TRNAU1AP: variants seen among roughly 807,000 people sequenced by gnomAD.
TRNAU1AP encodes the protein tRNA selenocysteine 1 associated protein 1.
Under a neutral mutation model 43.3 loss-of-function variants are expected in TRNAU1AP, and 33 were observed. The observed-to-expected ratio is 0.76, with a 90% confidence interval of 0.58 to 1.02. TRNAU1AP has a LOEUF of 1.02. Among genes scored for constraint, TRNAU1AP ranks in the 50% least tolerant of loss-of-function variants. The pLI, the probability that TRNAU1AP is intolerant of heterozygous loss-of-function variation, is 0.00. For synonymous variants in TRNAU1AP, 143 were observed against 129.1 expected, an observed-to-expected ratio of 1.11 and a Z score of -0.73; for missense variants, 290 against 362.7, an observed-to-expected ratio of 0.80 and a Z score of 1.63.
chr1:28,563,688 A>G (rs968747201), intron 4 of TRNAU1AP, among the ~76,000 whole-genome samples: 1 of 151,960 alleles, frequency 6.6e-6, no homozygotes, highest in African/African-American at 2.4e-5. Context: ...CGTCTCAAAA[A>G]AAAAAAAAAG....
At chr1:28,559,898 G>C (rs925632392) in intron 2 of TRNAU1AP, among the ~76,000 whole-genome samples, 1 of 152,116 alleles carries the variant, frequency 6.6e-6, no homozygotes, top group African/African-American at 2.4e-5. Context: ...TTGGGAGGCC[G>C]AAGTGGGTGG....
At chr1:28,576,061 A>C (rs1012451282) in intron 8 of TRNAU1AP, among the ~76,000 whole-genome samples, 2 of 142,898 alleles carry the variant, frequency 1.4e-5, no homozygotes, top group African/African-American at 2.6e-5. Context: ...GGGTTTCACC[A>C]TGTTGCCCAG....
intron 4 of TRNAU1AP, among the ~76,000 whole-genome samples, 158 bp downstream of exon 4, chr1:28,561,556 T>G (rs1431744003): frequency 6.6e-6 from 1 of 152,182 alleles, no homozygotes; most frequent in Non-Finnish European, 1.5e-5. Flanking sequence ...GTGTGCTTCA[T>G]GCAAGACCCT....
At chr1:28,574,707 AC>A (rs1665735570) in intron 8 of TRNAU1AP, 1 of 152,132 alleles carries the variant, frequency 6.6e-6, no homozygotes, top group African/African-American at 2.4e-5. Flanking sequence ...CCTGGCCAAA[AC>A]TTTTTTTGAG....
At position 28,577,691 on chromosome 1, in the gene TRNAU1AP, T is replaced by TTTAAAAATTGTGA; in HGVS notation, c.*56_*68dup. 6.5e-7 allele frequency: 1 copy of TTTAAAAATTGTGA among 1,539,170 alleles called. No individual in the cohort carries two copies. Among genetic ancestry groups the TTTAAAAATTGTGA allele is most frequent in the Non-Finnish European group, 8.8e-7 (1 of 1,142,132 alleles). On this transcript the variant is annotated 3_prime_UTR_variant, in exon 9 of 9. Coordinates refer to ENST00000373830, the MANE Select transcript of TRNAU1AP (RefSeq NM_017846.5). ...ATGTGAGGGAGATGAGAGACTCCTT[T>TTTAAAAATTGTGA]TTAAAAATTGTGAAACCTTTTTGGA...
chr1:28,576,859 G>T (rs1665797483), intron 8 of TRNAU1AP, among the ~76,000 whole-genome samples: 2 of 152,096 alleles, frequency 1.3e-5, no homozygotes, highest in African/African-American at 4.8e-5. Flanking sequence ...TCGACCTGCT[G>T]AAGTGCTGGG....
At chr1:28,555,496 CT>C (rs958204626) in intron 2 of TRNAU1AP, among the ~76,000 whole-genome samples, 6,527 of 140,418 alleles carry the variant, frequency 0.046, 122 homozygotes, top group Non-Finnish European at 0.074. Flanking sequence ...TACTCTTTTC[CT>C]TTTTTTTTTT....
chr1:28,575,666 C>G (rs1665761248), intron 8 of TRNAU1AP, among the ~76,000 whole-genome samples: 1 of 142,544 alleles, frequency 7.0e-6, no homozygotes, highest in Non-Finnish European at 1.5e-5. Context: ...GAGTCTTGCT[C>G]TGTCGCCCAG....
chr1:28,557,280 C>T (rs1325031593), intron 2 of TRNAU1AP, among the ~76,000 whole-genome samples: 1 of 151,408 alleles, frequency 6.6e-6, no homozygotes, highest in Non-Finnish European at 1.5e-5. Context: ...ATTAGCCAGG[C>T]ATGGTGGCGG....
intron 4 of TRNAU1AP, among the ~76,000 whole-genome samples, chr1:28,562,832 C>G (rs959528450): frequency 6.6e-5 from 10 of 151,458 alleles, no homozygotes; most frequent in African/African-American, 2.2e-4. Flanking sequence ...CTGCCCACCT[C>G]AGCCTCCCGA....
At chr1:28,558,019 C>T (rs1472331050) in intron 2 of TRNAU1AP, among the ~76,000 whole-genome samples, 1 of 151,454 alleles carries the variant, frequency 6.6e-6, no homozygotes, top group Non-Finnish European at 1.5e-5. Flanking sequence ...CCTCAGCCTC[C>T]TGAGTAGCTG....
chr1:28,571,749 C>T (rs572910005), intron 7 of TRNAU1AP, 118 bp from the exon 8 acceptor site: 3 of 742,988 alleles, frequency 4.0e-6, no homozygotes, highest in African/African-American at 3.8e-5. Context: ...CGCCACTACA[C>T]TCTAGTCTGG....
rs1011556847 is a variant in TRNAU1AP, at chr1:28,557,882, C to T, written c.126-2751C>T. On this transcript the variant is annotated intron_variant, in intron 2 of 8. Transcript: ENST00000373830. Reference sequence around the variant, plus strand: ...GATTACAGGCGTGAGCCACCGCTCCCGGCCAACACCCAGCTAATTTTTTTT... The same window carrying T: ...GATTACAGGCGTGAGCCACCGCTCCTGGCCAACACCCAGCTAATTTTTTTT... 4.0e-5 allele frequency among the ~76,000 whole-genome samples: 6 copies of T among 150,886 alleles called. No individual in the cohort carries two copies. In the South Asian group the frequency reaches 6.3e-4, roughly 16 times the overall value.
intron 6 of TRNAU1AP, among the ~76,000 whole-genome samples, chr1:28,570,163 T>G (rs1040894167): frequency 1.3e-5 from 2 of 151,976 alleles, no homozygotes; most frequent in African/African-American, 4.8e-5. Flanking sequence ...GTACAAAAAT[T>G]AGCTGGGCCT....
Position 28,560,632 on chromosome 1 carries a change from G to T in TRNAU1AP, c.126-1G>T. 1.9e-6 allele frequency: 3 copies of T among 1,612,434 alleles called. No homozygotes were observed. The highest frequency in any genetic ancestry group is 2.5e-6 in the Non-Finnish European group (3 of 1,179,354). ...TCTTTCTCTATTTGCTTTTTTTCCA[G>T]GATCCCAGCTGGCTACTGCTTTGTA... On this transcript the variant is annotated splice_acceptor_variant, in intron 2 of 8. Transcript: ENST00000373830. LOFTEE classifies it high-confidence loss of function.
chr1:28,555,857 C>CTTTT (rs374688110), intron 2 of TRNAU1AP, among the ~76,000 whole-genome samples: 2 of 126,614 alleles, frequency 1.6e-5, no homozygotes, highest in Non-Finnish European at 1.7e-5. Context: ...ATTTTTTTTT[C>CTTTT]TTTTTTTTTT....
At position 28,571,780 on chromosome 1, in the gene TRNAU1AP, C is replaced by T; in HGVS notation, c.694-87C>T. ...TCTGGGTGACAGAGCTAGACTCCACCTCAAAAAAAATAAAAAATATAAGCC... is the reference window on the plus strand; with the variant it reads ...TCTGGGTGACAGAGCTAGACTCCACTTCAAAAAAAATAAAAAATATAAGCC... On this transcript the variant is annotated intron_variant, in intron 7 of 8. Coordinates refer to ENST00000373830, the MANE Select transcript of TRNAU1AP (RefSeq NM_017846.5). The T allele has an allele frequency of 2.2e-6, 2 of 909,568 alleles. 1 individual carries two copies. The highest frequency in any genetic ancestry group is 3.3e-6 in the Non-Finnish European group (2 of 609,438). The allele number at this position is 909,568 out of a possible 1,614,324, so 56.3% of individuals were successfully genotyped here. A position where few individuals can be genotyped will look rare whatever the true frequency, so the allele number is the denominator to read the frequency against.
intron 8 of TRNAU1AP, among the ~76,000 whole-genome samples, chr1:28,575,487 T>A (rs1457436474): frequency 6.9e-6 from 1 of 144,330 alleles, no homozygotes; most frequent in Non-Finnish European, 1.5e-5. Context: ...TTTGAGACGG[T>A]GTCTCACTCT....
intron 2 of TRNAU1AP, among the ~76,000 whole-genome samples, chr1:28,555,851 T>C (rs1193467525): frequency 6.7e-6 from 1 of 149,538 alleles, no homozygotes; most frequent in African/African-American, 2.5e-5. Flanking sequence ...TTTCTCATTT[T>C]TTTTTCTTTT....
Sources: gnomAD v4.1 joint callset for allele counts (sites outside exome capture counted in the v4.1 genomes callset) on GRCh38, gnomAD v4.1.1 for gene constraint, MANE v1.5 for transcripts, NCBI Gene and HGNC (gene_info 2026-07-23, HGNC 2026-07-21) for gene names.